Variants in MCPH1 observed in about 807,000 individuals in gnomAD.
MCPH1 encodes the protein microcephalin.
MCPH1 carries 104 observed loss-of-function variants against 84.5 expected under a neutral mutation model. That is an observed-to-expected ratio of 1.23 (90% CI 1.05 to 1.45). The LOEUF is 1.45. Ranked by LOEUF, MCPH1 falls within the 40% of genes most tolerant of loss-of-function variation. MCPH1 has a pLI of 0.00. For missense variants in MCPH1, 1,498 were observed against 1,005.7 expected, an observed-to-expected ratio of 1.49 and a Z score of -6.62; for synonymous variants, 514 against 366.8, an observed-to-expected ratio of 1.40 and a Z score of -4.58.
At chr8:6,480,438 C>T (rs928982405) in intron 10 of MCPH1, among the ~76,000 whole-genome samples, 7 of 152,200 alleles carry the variant, frequency 4.6e-5, no homozygotes, top group Admixed American at 4.6e-4. Flanking sequence ...GTTTCTGATG[C>T]TGGCTCTGTC....
chr8:6,415,233 ACTTTCT>A (rs963811593), intron 3 of MCPH1, among the ~76,000 whole-genome samples: 36 of 151,712 alleles, frequency 2.4e-4, no homozygotes, highest in African/African-American at 8.5e-4. Flanking sequence ...ACAGAAAAGG[ACTTTCT>A]CACAACTCTG....
chr8:6,461,187 G>C (rs946879349), intron 9 of MCPH1, among the ~76,000 whole-genome samples: 1 of 151,842 alleles, frequency 6.6e-6, no homozygotes, highest in African/African-American at 2.4e-5. Context: ...TAGAATCTCA[G>C]AGCTATAACT....
At chr8:6,612,541 A>G (rs967568473) in intron 12 of MCPH1, among the ~76,000 whole-genome samples, 3 of 152,084 alleles carry the variant, frequency 2.0e-5, no homozygotes, top group African/African-American at 7.2e-5. Context: ...CGCTCAGTGC[A>G]TGTCCTCATC....
At chr8:6,458,197 G>A (rs762026755) in intron 9 of MCPH1, among the ~76,000 whole-genome samples, 1 of 152,138 alleles carries the variant, frequency 6.6e-6, no homozygotes, top group African/African-American at 2.4e-5. Flanking sequence ...TGCGGGCTGG[G>A]TGCGGTGGCT....
Position 6,445,014 on chromosome 8 carries a change from C to G in MCPH1, c.1292C>G (p.Pro431Arg). Residue 431 changes from proline (P) to arginine (R), a missense_variant, in exon 8 of 14, where the codon CCT (proline) becomes CGT (arginine). Physicochemically the swap from Pro to Arg is moderately radical, Grantham distance 103 (BLOSUM62 -2). Coordinates refer to ENST00000344683, the MANE Select transcript of MCPH1 (RefSeq NM_024596.5). ...GAAAGGTATTCAGAGAATCTTCCTC[C>G]TGAATCTCAGCTGCCATCAAGCCCT... The part of the protein sequence containing the change: ...LKERYSENLP[P>R]ESQLPSSPAQ... 2 of 1,614,190 alleles carry G rather than the reference C, an allele frequency of 1.2e-6. No homozygotes were observed. Among genetic ancestry groups the G allele is most frequent in the South Asian group, 2.2e-5 (2 of 91,088 alleles).
At chr8:6,465,388 C>G (rs1165837264) in intron 9 of MCPH1, among the ~76,000 whole-genome samples, 5 of 152,234 alleles carry the variant, frequency 3.3e-5, no homozygotes, top group Non-Finnish European at 5.9e-5. Context: ...CACTGCGCTG[C>G]TCCCACCACC....
At chr8:6,618,590 G>T (rs1276573020) in intron 12 of MCPH1, 1 of 152,128 alleles carries the variant, frequency 6.6e-6, no homozygotes, top group Non-Finnish European at 1.5e-5. Flanking sequence ...AATACACAGA[G>T]AATTTTTCAC....
intron 7 of MCPH1, among the ~76,000 whole-genome samples, chr8:6,442,787 A>G (rs1208142497): frequency 1.3e-5 from 2 of 152,318 alleles, no homozygotes; most frequent in South Asian, 2.1e-4. Flanking sequence ...TGAAAGTACT[A>G]TGTTCAAAAG....
At position 6,646,158 on chromosome 8, in the gene MCPH1, C is replaced by G. The variant is rs1282677641; in HGVS notation, c.*3109C>G. 1 of 152,196 alleles carries G rather than the reference C, an allele frequency of 6.6e-6. No homozygotes were observed. The highest frequency in any genetic ancestry group is 1.9e-4 in the East Asian group (1 of 5,206). 9.4% of individuals were successfully genotyped at this position (152,196 alleles called of 1,614,324 possible). On this transcript the variant is annotated 3_prime_UTR_variant, in exon 14 of 14. Coordinates refer to ENST00000344683, the MANE Select transcript of MCPH1 (RefSeq NM_024596.5). ...ACAAAGTATCAGCCAGGTGCCGTGG[C>G]TCACATCTGTAATACCAGCTCTCTG... is the stretch of plus-strand genomic sequence containing the variant.
chr8:6,418,363 C>G (rs1799620535), intron 3 of MCPH1, among the ~76,000 whole-genome samples: 2 of 152,148 alleles, frequency 1.3e-5, no homozygotes, highest in Admixed American at 6.6e-5. Context: ...TTATTTCCCT[C>G]CAGCTTTCAA....
chr8:6,487,769 A>G lies in MCPH1; in HGVS notation c.2136+6893A>G, dbSNP rs76963756. ...TTCAAAGTCCTTTTTATCCTGCTAC[A>G]GATTATACCTTGGTAAAGGACTTTA... On this transcript the variant is annotated intron_variant, in intron 11 of 13. Coordinates refer to ENST00000344683, the MANE Select transcript of MCPH1 (RefSeq NM_024596.5). 4.1e-3 allele frequency among the ~76,000 whole-genome samples: 631 copies of G among 152,262 alleles called. 7 individuals carry two copies. The highest frequency in any genetic ancestry group is 0.014 in the African/African-American group (601 of 41,560).
chr8:6,614,147 G>T (rs183972353), intron 12 of MCPH1, among the ~76,000 whole-genome samples: 50 of 152,272 alleles, frequency 3.3e-4, no homozygotes, highest in African/African-American at 1.2e-3. Flanking sequence ...AAAATGTTTT[G>T]TTTTTCCAAA....
intron 12 of MCPH1, among the ~76,000 whole-genome samples, chr8:6,529,505 G>A (rs995222829): frequency 1.4e-5 from 2 of 147,720 alleles, no homozygotes; most frequent in Non-Finnish European, 3.0e-5. Context: ...AGGCTGCAGT[G>A]CGGTGGCACC....
intron 10 of MCPH1, among the ~76,000 whole-genome samples, chr8:6,479,100 A>C (rs1053998419): frequency 6.6e-6 from 1 of 152,186 alleles, no homozygotes; most frequent in African/African-American, 2.4e-5. Flanking sequence ...CCTTGTGTCT[A>C]CAAAAAAATG....
At chr8:6,596,670 T>C (rs535160891) in intron 12 of MCPH1, among the ~76,000 whole-genome samples, 1 of 152,140 alleles carries the variant, frequency 6.6e-6, no homozygotes, top group South Asian at 2.1e-4. Flanking sequence ...GGAGACAGTA[T>C]TACGGCATTG....
intron 12 of MCPH1, among the ~76,000 whole-genome samples, chr8:6,577,443 A>G (rs979509331): frequency 6.6e-6 from 1 of 152,236 alleles, no homozygotes. Context: ...CATATTCTGA[A>G]TGTACAAATG....
intron 12 of MCPH1, chr8:6,532,434 C>G: frequency 1.2e-6 from 2 of 1,613,942 alleles, no homozygotes; most frequent in African/African-American, 2.7e-5. Flanking sequence ...GTACTGCATT[C>G]TGCTGTATCT....
chr8:6,518,088 G>A (rs1448295491), intron 12 of MCPH1, among the ~76,000 whole-genome samples: 1 of 152,148 alleles, frequency 6.6e-6, no homozygotes, highest in East Asian at 1.9e-4. Context: ...TGGGGGCCAT[G>A]GGGTGGGACA....
chr8:6,526,518 T>C (rs1818380241), intron 12 of MCPH1, among the ~76,000 whole-genome samples: 1 of 152,140 alleles, frequency 6.6e-6, no homozygotes, highest in Non-Finnish European at 1.5e-5. Flanking sequence ...TTACTGTTTG[T>C]AGAGGAGAAA....
Sources: allele counts gnomAD v4.1 joint callset (sites outside exome capture counted in the v4.1 genomes callset), GRCh38; gene constraint gnomAD v4.1.1; transcripts MANE v1.5; gene names NCBI Gene and HGNC (gene_info 2026-07-23, HGNC 2026-07-21).